Variants in MRO observed in about 807,000 individuals in gnomAD.
The protein encoded by MRO is maestro, also known as protein maestro.
A neutral mutation model predicts 31.0 loss-of-function variants in MRO; 28 were observed. The observed-to-expected ratio is 0.90, with a 90% CI of 0.67 to 1.24. MRO has a LOEUF of 1.24. MRO is among the 50% of genes most tolerant of loss of function. MRO has a pLI of 0.00. For synonymous variants in MRO, 108 were observed against 108.4 expected (o/e 1.00, Z 0.02); for missense variants, 332 against 289.2 (o/e 1.15, Z -1.07).
At chr18:50,817,676 A>C (rs1396314589) in intron 2 of MRO, among the ~76,000 whole-genome samples, 1 of 150,740 alleles carries the variant, frequency 6.6e-6, no homozygotes, top group Non-Finnish European at 1.5e-5. Context: ...AGCTAATCCG[A>C]GCCCATGCAG....
At position 50,800,131 on chromosome 18, in the gene MRO, T is replaced by C. The variant is rs1913157210; in HGVS notation, c.598A>G (p.Thr200Ala). The C allele has an allele frequency of 2.5e-6, 4 of 1,609,878 alleles. No homozygotes were observed. In the African/African-American group the frequency reaches 4.0e-5, roughly 16 times the overall value. The change falls in exon 7 of 8, where the codon ACA becomes GCA. Residue 200 changes from threonine to alanine, a missense_variant. By Grantham distance (58) the Thr-to-Ala change is moderately conservative (BLOSUM62 0). Transcript: ENST00000398439. ...NPQVAKACKT[T>A]FQACSPYLKL... ...AGATATGGAGAACAGGCTTGAAATG[T>C]TGTTTTGCAAGCCTGAGAAAAATAA... is the stretch of plus-strand genomic sequence containing the variant.
chr18:50,823,094 C>G (rs1915368475), upstream of MRO, among the ~76,000 whole-genome samples: 1 of 152,130 alleles, frequency 6.6e-6, no homozygotes, highest in African/African-American at 2.4e-5. Flanking sequence ...TGAGAAATGC[C>G]TCCCAGGAGG....
chr18:50,820,003 CA>C lies in MRO; in HGVS notation c.-234del. ...GTCGACACTTTCTGCAGAAATTCTGCAGATGGCAATTCTGGGGACCTTTCCT... is the reference window on the plus strand; with the variant it reads ...GTCGACACTTTCTGCAGAAATTCTGCGATGGCAATTCTGGGGACCTTTCCT... On this transcript the variant is annotated 5_prime_UTR_variant, in exon 1 of 8. Transcript: ENST00000398439. The C allele has an allele frequency of 6.6e-7, 1 of 1,526,638 alleles. No individual in the cohort carries two copies. Among genetic ancestry groups the C allele is most frequent in the Non-Finnish European group, 8.9e-7 (1 of 1,125,000 alleles). 94.6% of individuals were successfully genotyped at this position (1,526,638 alleles called of 1,614,324 possible).
At chr18:50,822,211 G>A (rs900032608), upstream of MRO, among the ~76,000 whole-genome samples, 1 of 88,696 alleles carries the variant, frequency 1.1e-5, no homozygotes, top group African/African-American at 3.7e-5. Context: ...AAAGCAAAGA[G>A]GGTAATTATT....
intron 2 of MRO, among the ~76,000 whole-genome samples, chr18:50,818,606 A>T (rs1348069023): frequency 6.6e-6 from 1 of 152,214 alleles, no homozygotes; most frequent in Non-Finnish European, 1.5e-5. Flanking sequence ...TCAAAATATT[A>T]GATTTTTGGT....
At chr18:50,800,884 CAAA>C (rs11295212) in intron 6 of MRO, among the ~76,000 whole-genome samples, 5 of 105,406 alleles carry the variant, frequency 4.7e-5, no homozygotes, top group Admixed American at 1.8e-4. Flanking sequence ...AAAACTGTCT[CAAA>C]AAAAAAAAAA....
At position 50,797,823 on chromosome 18, in the gene MRO, T is replaced by G. The variant is rs996259965; in HGVS notation, c.*1514A>C. On this transcript the variant is annotated 3_prime_UTR_variant, in exon 8 of 8. Coordinates refer to ENST00000398439, the MANE Select transcript of MRO (RefSeq NM_031939.6). ...CCATTTGCTCGTGAGCCTGTGTCCC[T>G]CCTAAAATCTCTTGCTGTCATGTTC... 5 of 152,160 alleles carry G rather than the reference T, an allele frequency of 3.3e-5. No individual in the cohort carries two copies. The highest frequency in any genetic ancestry group is 1.2e-4 in the African/African-American group (5 of 41,418). The allele number at this position is 152,160 out of a possible 1,614,324, so 9.4% of individuals were successfully genotyped here.
chr18:50,809,516 G>A (rs868282806), intron 2 of MRO, 112 bp from the exon 3 acceptor site: 2 of 662,866 alleles, frequency 3.0e-6, no homozygotes, highest in Non-Finnish European at 2.5e-6. Context: ...GCAATCCTGA[G>A]GCCTGTCTTT....
At chr18:50,819,264 AC>A (rs1351877001) in intron 2 of MRO, among the ~76,000 whole-genome samples, 1 of 152,168 alleles carries the variant, frequency 6.6e-6, no homozygotes, top group Non-Finnish European at 1.5e-5. Flanking sequence ...GGGAAGACAG[AC>A]CGCATAGACA....
At chr18:50,810,439 GA>G (rs1281051812) in intron 2 of MRO, among the ~76,000 whole-genome samples, 9 of 152,178 alleles carry the variant, frequency 5.9e-5, no homozygotes, top group African/African-American at 2.2e-4. Context: ...ATGAGGGCAG[GA>G]AATACATATG....
chr18:50,801,531 A>C, intron 5 of MRO, 27 bp from the exon 6 acceptor site: 1 of 1,564,748 alleles, frequency 6.4e-7, no homozygotes, highest in South Asian at 1.2e-5. Context: ...CAAAACAATA[A>C]GAAAGCCAGA....
intron 2 of MRO, among the ~76,000 whole-genome samples, chr18:50,813,717 A>T (rs1914654601): frequency 1.3e-5 from 2 of 152,200 alleles, no homozygotes; most frequent in South Asian, 4.1e-4. Flanking sequence ...TATCCTAAGC[A>T]AACTAACACA....
At chr18:50,802,915 TA>T (rs748818299) in intron 5 of MRO, among the ~76,000 whole-genome samples, 32,118 of 108,296 alleles carry the variant, frequency 0.3, 3,635 homozygotes, top group Middle Eastern at 0.37. Flanking sequence ...TGTGTGTGTG[TA>T]GTGTGTGTGT....
intron 7 of MRO, among the ~76,000 whole-genome samples, 155 bp from the exon 8 acceptor site, chr18:50,799,545 C>T (rs955347412): frequency 2.0e-5 from 3 of 152,024 alleles, no homozygotes; most frequent in African/African-American, 4.8e-5. Context: ...TTGGAACTGC[C>T]GATATATCTC....
intron 2 of MRO, among the ~76,000 whole-genome samples, chr18:50,819,078 T>C (rs1915162357): frequency 6.6e-6 from 1 of 151,660 alleles, no homozygotes; most frequent in African/African-American, 2.4e-5. Flanking sequence ...AAAATTAATA[T>C]TAAAAAAATC....
upstream of MRO, among the ~76,000 whole-genome samples, chr18:50,824,717 G>A (rs1452842689): frequency 6.8e-6 from 1 of 146,916 alleles, no homozygotes; most frequent in Non-Finnish European, 1.5e-5. Flanking sequence ...GCCTCCCAAA[G>A]TGTTGGGATT....
In MRO at chr18:50,805,199, G is replaced by C. The variant is rs773066876; in HGVS notation, c.384C>G (p.Ser128=). The change falls in exon 5 of 8, where the codon TCC becomes TCG. Residue 128 remains serine (S), a synonymous_variant. Coordinates refer to ENST00000398439, the MANE Select transcript of MRO (RefSeq NM_031939.6). ...TCTGAAGGGTGATATCTATGAAGAA[G>C]GAACCCAAACCTTTCCCCTGGATCT... ...LGKIQGKGLG[S]FFIDITLQTR... 1 of 1,613,756 alleles carries C rather than the reference G, an allele frequency of 6.2e-7. No homozygotes were observed.
intron 5 of MRO, among the ~76,000 whole-genome samples, chr18:50,803,736 C>T (rs1470663964): frequency 6.6e-6 from 1 of 152,218 alleles, no homozygotes; most frequent in African/African-American, 2.4e-5. Context: ...CATATGAGCT[C>T]CAAGTTACAT....
chr18:50,818,000 C>G (rs1460331677), intron 2 of MRO, among the ~76,000 whole-genome samples: 3 of 128,550 alleles, frequency 2.3e-5, no homozygotes, highest in Non-Finnish European at 3.2e-5. Flanking sequence ...TCCCACCCCC[C>G]GCCCCATGCC....
Sources: gnomAD v4.1 joint callset for allele counts (sites outside exome capture counted in the v4.1 genomes callset) on GRCh38, gnomAD v4.1.1 for gene constraint, MANE v1.5 for transcripts, NCBI Gene and HGNC (gene_info 2026-07-23, HGNC 2026-07-21) for gene names.